Variants in LINGO2 observed in about 807,000 individuals in gnomAD.
The protein encoded by LINGO2 is leucine rich repeat and Ig domain containing 2.
In LINGO2, 14 loss-of-function variants were observed where a neutral mutation model predicts 30.6. The ratio of observed to expected loss-of-function variants is 0.46; its 90% CI spans 0.30 to 0.72. The LOEUF (loss-of-function observed/expected upper bound fraction) is 0.72, where lower values mean the gene tolerates loss of function less well. Among genes scored for constraint, LINGO2 ranks in the 30% least tolerant of loss-of-function variants. The pLI is 0.07. For missense variants in LINGO2, 729 were observed against 751.7 expected, an observed-to-expected ratio of 0.97 and a Z score of 0.35; for synonymous variants, 317 against 288.5, an observed-to-expected ratio of 1.10 and a Z score of -1.00.
rs112434624 is a variant in LINGO2 at position 28,582,814 on chromosome 9, G to A, written c.-365+87386C>T. Among the ~76,000 whole-genome samples the A allele has an allele frequency of 2.2e-4, 33 of 152,120 alleles. 1 individual carries two copies. The highest frequency in any genetic ancestry group is 7.2e-4 in the African/African-American group (30 of 41,538). The stretch of plus-strand genomic sequence containing the variant: ...AATTATTATTACTTCAAACATTTGC[G>A]AACCTTTTTATGGTTGAACCTTGTT... On this transcript the variant is annotated intron_variant, in intron 1 of 5. Transcript: ENST00000379992.
intron 4 of LINGO2, among the ~76,000 whole-genome samples, chr9:28,029,798 G>A (rs1368318171): frequency 6.6e-6 from 1 of 152,132 alleles, no homozygotes; most frequent in Non-Finnish European, 1.5e-5. Context: ...ATAGTTCCTG[G>A]CATGTACAAA....
intron 1 of LINGO2, among the ~76,000 whole-genome samples, chr9:28,533,538 T>C (rs1821315580): frequency 6.6e-6 from 1 of 152,210 alleles, no homozygotes; most frequent in Non-Finnish European, 1.5e-5. Flanking sequence ...ACATAAACAC[T>C]GCTTTGAAGT....
chr9:29,143,845 G>A, the LINGO2 span, among the ~76,000 whole-genome samples: 341 of 152,120 alleles, frequency 2.2e-3, 3 homozygotes, highest in African/African-American at 7.6e-3. Flanking sequence ...ATCTTTGTCC[G>A]TGCCTATGTC....
intron 4 of LINGO2, among the ~76,000 whole-genome samples, chr9:28,045,662 G>A (rs1824387821): frequency 6.6e-6 from 1 of 152,028 alleles, no homozygotes. Context: ...TTTTAAACTT[G>A]GAATATTGAC....
the LINGO2 span, among the ~76,000 whole-genome samples, chr9:29,207,643 C>G: frequency 6.6e-6 from 1 of 151,924 alleles, no homozygotes. Flanking sequence ...AATTTGTTTT[C>G]TAGTCTAGGT....
intron 3 of LINGO2, among the ~76,000 whole-genome samples, chr9:28,367,761 A>G (rs147273782): frequency 2.6e-4 from 40 of 151,872 alleles, no homozygotes; most frequent in Non-Finnish European, 5.7e-4. Context: ...GGCCCTTTTA[A>G]TCTGAAAATA....
At chr9:28,569,091 C>T (rs10120211) in intron 1 of LINGO2, among the ~76,000 whole-genome samples, 19,299 of 151,870 alleles carry the variant, frequency 0.13, 1,366 homozygotes, top group East Asian at 0.26. Flanking sequence ...TGAGATATCA[C>T]CTCCCATCTA....
At chr9:28,850,623 T>C in the LINGO2 span, among the ~76,000 whole-genome samples, 1 of 151,986 alleles carries the variant, frequency 6.6e-6, no homozygotes, top group Non-Finnish European at 1.5e-5. Flanking sequence ...CCAGTGATGT[T>C]CCAGAGGAGG....
At chr9:29,033,906 C>T in the LINGO2 span, among the ~76,000 whole-genome samples, 1 of 151,842 alleles carries the variant, frequency 6.6e-6, no homozygotes, top group East Asian at 1.9e-4. Flanking sequence ...TATGGTGCAA[C>T]CCCATCTCTA....
intron 4 of LINGO2, among the ~76,000 whole-genome samples, chr9:28,078,966 C>G (rs1398804229): frequency 6.7e-6 from 1 of 148,702 alleles, no homozygotes; most frequent in Non-Finnish European, 1.5e-5. Context: ...GGGTGCAATG[C>G]CTTTACAGTT....
chr9:28,527,377 T>A (rs958993375), intron 1 of LINGO2, among the ~76,000 whole-genome samples: 3 of 152,274 alleles, frequency 2.0e-5, no homozygotes, highest in Middle Eastern at 3.4e-3. Context: ...CAACTATTCT[T>A]TGAGATTCAG....
At chr9:28,232,229 T>G (rs760737151) in intron 4 of LINGO2, among the ~76,000 whole-genome samples, 6 of 151,890 alleles carry the variant, frequency 4.0e-5, no homozygotes, top group African/African-American at 9.7e-5. Flanking sequence ...TGAAACCTTG[T>G]CTCTACTAAA....
chr9:28,165,070 G>C (rs756751971), intron 4 of LINGO2, among the ~76,000 whole-genome samples: 1 of 152,126 alleles, frequency 6.6e-6, no homozygotes, highest in Non-Finnish European at 1.5e-5. Flanking sequence ...TGTTCTTCCT[G>C]CCAATTAGTT....
intron 2 of LINGO2, among the ~76,000 whole-genome samples, chr9:28,471,145 C>T (rs1825502964): frequency 6.6e-6 from 1 of 151,962 alleles, no homozygotes; most frequent in African/African-American, 2.4e-5. Context: ...TGCCATCTGT[C>T]TTAGTTAATT....
intron 4 of LINGO2, among the ~76,000 whole-genome samples, chr9:28,054,469 T>C (rs1042710310): frequency 6.6e-6 from 1 of 152,166 alleles, no homozygotes; most frequent in African/African-American, 2.4e-5. Flanking sequence ...CACACAATTT[T>C]ATCTAGACCT....
At chr9:29,198,886 A>G in the LINGO2 span, among the ~76,000 whole-genome samples, 1 of 152,102 alleles carries the variant, frequency 6.6e-6, no homozygotes, top group East Asian at 1.9e-4. Flanking sequence ...ATGTAACTGG[A>G]CGAAAATGCA....
At chr9:28,510,218 T>C (rs1820315116) in intron 1 of LINGO2, among the ~76,000 whole-genome samples, 1 of 152,144 alleles carries the variant, frequency 6.6e-6, no homozygotes, top group South Asian at 2.1e-4. Flanking sequence ...GGCTTAGGGG[T>C]ACCAACTCCT....
intron 5 of LINGO2, among the ~76,000 whole-genome samples, chr9:27,957,820 A>G (rs13300275): frequency 6.8e-4 from 104 of 152,350 alleles, no homozygotes; most frequent in African/African-American, 2.4e-3. Flanking sequence ...ACAGTATTGA[A>G]CAACTTTCCA....
intron 2 of LINGO2, among the ~76,000 whole-genome samples, chr9:28,385,684 T>C (rs945504804): frequency 6.6e-6 from 1 of 152,110 alleles, no homozygotes; most frequent in African/African-American, 2.4e-5. Flanking sequence ...ACTCTATGAA[T>C]TGTGTTTCTT....
Sources: gnomAD v4.1 joint callset for allele counts (sites outside exome capture counted in the v4.1 genomes callset) on GRCh38, gnomAD v4.1.1 for gene constraint, MANE v1.5 for transcripts, NCBI Gene and HGNC (gene_info 2026-07-23, HGNC 2026-07-21) for gene names.